The following ZNF354B variants were observed in gnomAD, a reference collection of about 807,000 sequenced individuals.
The protein encoded by ZNF354B is zinc finger protein 354B.
Under a neutral mutation model 12.9 loss-of-function variants are expected in ZNF354B, and 10 were observed. The ratio of observed to expected loss-of-function variants is 0.77; its 90% CI spans 0.48 to 1.31. The LOEUF (loss-of-function observed/expected upper bound fraction) is 1.31, where lower values mean the gene tolerates loss of function less well. Ranked by LOEUF, ZNF354B falls within the 40% of genes most tolerant of loss-of-function variation. The probability of loss-of-function intolerance (pLI) is 0.00; values close to 1 mark genes in which losing one functional copy is unlikely to be tolerated. For synonymous variants in ZNF354B, 260 were observed against 243.7 expected (o/e 1.07, Z -0.62); for missense variants, 614 against 711.7 (o/e 0.86, Z 1.56).
chr5:178,879,113 A>T (rs1241672277), intron 4 of ZNF354B, among the ~76,000 whole-genome samples: 1 of 151,572 alleles, frequency 6.6e-6, no homozygotes, highest in Non-Finnish European at 1.5e-5. Context: ...CAATGGTGCC[A>T]TCTCGGCTCA....
intron 2 of ZNF354B, among the ~76,000 whole-genome samples, chr5:178,862,477 C>T (rs1347184360): frequency 4.6e-5 from 7 of 150,890 alleles, no homozygotes; most frequent in South Asian, 2.1e-4. Flanking sequence ...AGCAATTCCC[C>T]TGCCTCAGCC....
In ZNF354B at chr5:178,867,023, G is replaced by A. The variant is rs148287276; in HGVS notation, c.208G>A (p.Glu70Lys). The change falls in exon 4 of 5, where the codon GAA (glutamate) becomes AAA (lysine). Residue 70 changes from glutamate to lysine, a missense_variant. By Grantham distance (56) the Glu-to-Lys change is moderately conservative. Coordinates refer to ENST00000322434, the MANE Select transcript of ZNF354B (RefSeq NM_058230.3). The part of the protein sequence containing the change: ...PKVISLLQQG[E>K]DPWEVEKDSS... ...AGTCATCTCCCTGTTGCAGCAAGGA[G>A]AAGATCCCTGGGAGGTGGAGAAAGA... 2.5e-6 allele frequency: 4 copies of A among 1,613,996 alleles called. No homozygotes were observed. The African/African-American group carries it at 5.3e-5, about 22-fold the overall frequency.
intron 4 of ZNF354B, among the ~76,000 whole-genome samples, chr5:178,868,438 G>A (rs1309402292): frequency 6.6e-6 from 1 of 150,984 alleles, no homozygotes; most frequent in Non-Finnish European, 1.5e-5. Context: ...CTCGCCCACA[G>A]CTTTGTATAG....
intron 2 of ZNF354B, among the ~76,000 whole-genome samples, chr5:178,863,042 A>G (rs1191195564): frequency 6.6e-6 from 1 of 152,196 alleles, no homozygotes; most frequent in African/African-American, 2.4e-5. Context: ...TTCTTGTCTC[A>G]GGGCTCTATG....
At chr5:178,872,873 G>C (rs1757584504) in intron 4 of ZNF354B, among the ~76,000 whole-genome samples, 2 of 152,022 alleles carry the variant, frequency 1.3e-5, no homozygotes, top group African/African-American at 4.8e-5. Context: ...TGCAATGTCT[G>C]ACTCCTGGGT....
intron 4 of ZNF354B, among the ~76,000 whole-genome samples, chr5:178,879,835 TAGAG>T (rs1404464426): frequency 6.6e-6 from 1 of 152,162 alleles, no homozygotes; most frequent in East Asian, 1.9e-4. Context: ...TATATAAAAG[TAGAG>T]AGAATAGGCT....
At position 178,866,893 on chromosome 5, in the gene ZNF354B, A is replaced by G. The variant is rs534704336; in HGVS notation, c.161-83A>G. 3.7e-6 allele frequency: 5 copies of G among 1,360,320 alleles called. No individual in the cohort carries two copies. The East Asian group carries it at 1.2e-4, about 31-fold the overall frequency. The allele number at this position is 1,360,320 out of a possible 1,614,324, so 84.3% of individuals were successfully genotyped here. On this transcript the variant is annotated intron_variant, in intron 3 of 4. Coordinates refer to ENST00000322434, the MANE Select transcript of ZNF354B (RefSeq NM_058230.3). ...GCAACATTCCTTCTGTAGAAAAGCC[A>G]CGGTTACCCTAATAATCAAGGGATA...
At chr5:178,866,171 T>A in intron 2 of ZNF354B, 73 bp from the exon 3 acceptor site, 1 of 1,579,112 alleles carries the variant, frequency 6.3e-7, no homozygotes, top group Non-Finnish European at 8.6e-7. Context: ...ACGGGTAGCG[T>A]GTCTTCCCCA....
At chr5:178,878,355 C>A (rs1464363110) in intron 4 of ZNF354B, among the ~76,000 whole-genome samples, 3 of 151,602 alleles carry the variant, frequency 2.0e-5, no homozygotes, top group African/African-American at 7.3e-5. Context: ...TGTGCTCCAG[C>A]CTGGGCAACA....
At chr5:178,868,582 G>T (rs2114012623) in intron 4 of ZNF354B, among the ~76,000 whole-genome samples, 1 of 152,180 alleles carries the variant, frequency 6.6e-6, no homozygotes, top group Non-Finnish European at 1.5e-5. Context: ...AAGACACTCG[G>T]TGCTGTGAGA....
chr5:178,874,606 T>C (rs527821752), intron 4 of ZNF354B, among the ~76,000 whole-genome samples: 63 of 152,226 alleles, frequency 4.1e-4, no homozygotes, highest in Non-Finnish European at 7.5e-4. Flanking sequence ...TTCTTTCTTA[T>C]CATGGCCATT....
Position 178,883,806 on chromosome 5 carries a change from A to G in ZNF354B, c.1354A>G (p.Thr452Ala). The G allele has an allele frequency of 6.2e-7, 1 of 1,614,150 alleles. No individual in the cohort carries two copies. The highest frequency in any genetic ancestry group is 8.5e-7 in the Non-Finnish European group (1 of 1,179,996). ...TGGTAAAGCCTTAAGCTCCCACTCA[A>G]CACTTATTATTCATGAGCGAATTCA... ...ECGKALSSHS[T>A]LIIHERIHTG... is the part of the protein sequence containing the mutation. The change falls in exon 5 of 5, where the codon ACA (threonine) becomes GCA (alanine). Residue 452 changes from threonine (T) to alanine (A), a missense_variant. Physicochemically the swap from Thr to Ala is moderately conservative, Grantham distance 58 (BLOSUM62 0). Transcript: ENST00000322434.
chr5:178,862,712 G>A (rs1484907322), intron 2 of ZNF354B, among the ~76,000 whole-genome samples: 2 of 152,172 alleles, frequency 1.3e-5, no homozygotes, highest in South Asian at 4.1e-4. Context: ...GGGAGCTGAG[G>A]GTGTGGCCAG....
chr5:178,880,225 G>C (rs1052873194), intron 4 of ZNF354B, among the ~76,000 whole-genome samples: 2 of 151,208 alleles, frequency 1.3e-5, no homozygotes, highest in African/African-American at 4.9e-5. Flanking sequence ...TTTTTAGACG[G>C]GGTCTCACTC....
intron 1 of ZNF354B, 73 bp downstream of exon 1, chr5:178,860,200 C>T (rs1243816047): frequency 6.6e-6 from 1 of 152,184 alleles, no homozygotes; most frequent in Non-Finnish European, 1.5e-5. Context: ...CGCGGGGCTC[C>T]GAGGGCCTCT....
At chr5:178,867,731 G>C (rs1757484973) in intron 4 of ZNF354B, among the ~76,000 whole-genome samples, 1 of 152,156 alleles carries the variant, frequency 6.6e-6, no homozygotes, top group Admixed American at 6.5e-5. Context: ...AAAATTACAT[G>C]TATGTGTAAT....
At chr5:178,868,727 C>T (rs1310716111) in intron 4 of ZNF354B, among the ~76,000 whole-genome samples, 3 of 152,152 alleles carry the variant, frequency 2.0e-5, no homozygotes, top group African/African-American at 7.2e-5. Flanking sequence ...AATCCGAGCA[C>T]TTTGGGAGGC....
chr5:178,860,854 C>T, intron 1 of ZNF354B, 143 bp from the exon 2 acceptor site: 2 of 478,710 alleles, frequency 4.2e-6, no homozygotes, highest in Non-Finnish European at 7.6e-6. Context: ...CCCAGCGCTG[C>T]TCTGGTCCGC....
chr5:178,881,281 C>A (rs543785251), intron 4 of ZNF354B, among the ~76,000 whole-genome samples: 1 of 148,942 alleles, frequency 6.7e-6, no homozygotes, highest in East Asian at 1.9e-4. Flanking sequence ...GCTATGATGT[C>A]TGTTGGGTGG....
Sources: gnomAD v4.1 joint callset for allele counts (sites outside exome capture counted in the v4.1 genomes callset) on GRCh38, gnomAD v4.1.1 for gene constraint, MANE v1.5 for transcripts, NCBI Gene and HGNC (gene_info 2026-07-23, HGNC 2026-07-21) for gene names.